The following PCYT1B variants were observed in gnomAD, a reference collection of about 807,000 sequenced individuals.
PCYT1B encodes choline-phosphate cytidylyltransferase B.
A neutral mutation model predicts 26.4 loss-of-function variants in PCYT1B; 10 were observed. The ratio of observed to expected loss-of-function variants is 0.38; its 90% CI spans 0.23 to 0.64. PCYT1B has a LOEUF of 0.64. Ranked by LOEUF, PCYT1B falls within the 30% of genes least tolerant of loss-of-function variation. PCYT1B has a pLI of 0.56. For missense variants in PCYT1B, 161 were observed against 292.7 expected, an observed-to-expected ratio of 0.55 and a Z score of 3.28; for synonymous variants, 131 against 108.4, an observed-to-expected ratio of 1.21 and a Z score of -1.29.
chrX:24,599,233 T>C (rs745891871), intron 3 of PCYT1B, among the ~76,000 whole-genome samples: 1 of 111,833 alleles, frequency 8.9e-6, no homozygotes, highest in African/African-American at 3.2e-5. Context: ...TGCAACAAAT[T>C]TGAAGGAGGA....
intron 1 of PCYT1B, among the ~76,000 whole-genome samples, chrX:24,643,765 A>G (rs1214515060): frequency 1.8e-5 from 2 of 112,328 alleles, no homozygotes; most frequent in Admixed American, 1.9e-4. Context: ...TTTAAAGTCT[A>G]TTTATTCACT....
intron 1 of PCYT1B, among the ~76,000 whole-genome samples, chrX:24,653,859 A>T (rs920718685): frequency 5.6e-5 from 6 of 107,494 alleles, no homozygotes; most frequent in African/African-American, 2.0e-4. Context: ...GTTTCAAGCG[A>T]TTCTCCTGCT....
intron 3 of PCYT1B, among the ~76,000 whole-genome samples, chrX:24,593,450 CTTTTCTTTTCTTTTCT>C (rs1569242721): frequency 0.024 from 158 of 6,687 alleles, 4 homozygotes; most frequent in African/African-American, 0.12. Context: ...TCTTTCTTTT[CTTTTCTTTTCTTTTCT>C]TTTCTTTTCT....
rs1001156433 is a variant in PCYT1B at position 24,665,185 on chromosome X, C to G, written c.63+7385G>C. On this transcript the variant is annotated intron_variant, in intron 1 of 7. Transcript: ENST00000379145. The stretch of plus-strand genomic sequence containing the variant: ...ACAGAGCTCTAATCAGTGGCCCAAT[C>G]AAAGGTTTGGCAAATTAATAATATA... 2.7e-5 allele frequency among the ~76,000 whole-genome samples: 3 copies of G among 111,583 alleles called. No homozygotes were observed. In the South Asian group the frequency reaches 1.1e-3, roughly 43 times the overall value.
chrX:24,657,745 C>G (rs1196778086), intron 1 of PCYT1B, among the ~76,000 whole-genome samples: 2 of 111,864 alleles, frequency 1.8e-5, no homozygotes, highest in Non-Finnish European at 3.8e-5. Context: ...TTCAGTCTCC[C>G]CAAGTGTTAT....
chrX:24,607,422 AG>A (rs756810039), intron 3 of PCYT1B, among the ~76,000 whole-genome samples: 100 of 112,383 alleles, frequency 8.9e-4, no homozygotes, highest in African/African-American at 3.1e-3. Context: ...TTATCCCTCT[AG>A]AAAATTTTAG....
intron 3 of PCYT1B, among the ~76,000 whole-genome samples, chrX:24,592,074 T>C (rs1924584805): frequency 1.8e-5 from 2 of 111,758 alleles, no homozygotes; most frequent in Non-Finnish European, 3.8e-5. Context: ...CAGCCTCTGG[T>C]AACCACTGTT....
chrX:24,670,113 A>AAAGAAAGAAAGGAAGG (rs1602218930), intron 1 of PCYT1B, among the ~76,000 whole-genome samples: 29 of 23,566 alleles, frequency 1.2e-3, no homozygotes, highest in South Asian at 6.1e-3. Flanking sequence ...AGAAAGAAAG[A>AAAGAAAGAAAGGAAGG]AAGGAAGGAA....
rs140304068 is a variant in PCYT1B, at chrX:24,647,265, C to CA, written c.-161_-160insT. The CA allele has an allele frequency of 1.1e-6, 1 of 951,524 alleles. No individual in the cohort carries two copies. Among genetic ancestry groups the CA allele is most frequent in the Non-Finnish European group, 1.3e-6 (1 of 765,240 alleles). The allele number at this position is 951,524 out of a possible 1,213,427, so 78.4% of individuals were successfully genotyped here. A position where few individuals can be genotyped will look rare whatever the true frequency, so the allele number is the denominator to read the frequency against. On this transcript the variant is annotated 5_prime_UTR_variant, in exon 1 of 8. Coordinates refer to ENST00000379144, the MANE Select transcript of PCYT1B (RefSeq NM_004845.5). ...TTCCCTAGGGGAAGTAAAGAGGTTA[C>CA]CCCCCGCCCCTCTCTCTCTCTCTCT... is the stretch of plus-strand genomic sequence containing the variant.
At chrX:24,572,640 A>C (rs926809642) in intron 7 of PCYT1B, among the ~76,000 whole-genome samples, 7 of 111,763 alleles carry the variant, frequency 6.3e-5, no homozygotes, top group Non-Finnish European at 1.3e-4. Context: ...CAAATTACTT[A>C]TCTTGGCGTT....
At chrX:24,598,480 T>TAC (rs769065456) in intron 3 of PCYT1B, among the ~76,000 whole-genome samples, 2 of 107,435 alleles carry the variant, frequency 1.9e-5, no homozygotes, top group African/African-American at 7.0e-5. Context: ...ATTTGATATA[T>TAC]ATATACACAC....
chrX:24,615,415 C>T (rs747380340), intron 2 of PCYT1B, among the ~76,000 whole-genome samples: 1 of 111,287 alleles, frequency 9.0e-6, no homozygotes, highest in South Asian at 3.8e-4. Context: ...AATGCCAGAA[C>T]AAACTCTCTC....
At chrX:24,652,126 C>G (rs939147305), upstream of PCYT1B, among the ~76,000 whole-genome samples, 1 of 112,313 alleles carries the variant, frequency 8.9e-6, no homozygotes, top group Non-Finnish European at 1.9e-5. Flanking sequence ...AAGAGCATGC[C>G]TTCTGTGAGA....
chrX:24,624,578 A>G (rs193210907), intron 1 of PCYT1B, among the ~76,000 whole-genome samples: 352 of 111,815 alleles, frequency 3.1e-3, no homozygotes, highest in African/African-American at 0.01. Flanking sequence ...GACTGCACCA[A>G]TGGGATCTCT....
At chrX:24,640,222 T>G (rs1187620224) in intron 1 of PCYT1B, among the ~76,000 whole-genome samples, 1 of 111,506 alleles carries the variant, frequency 9.0e-6, no homozygotes, top group African/African-American at 3.3e-5. Flanking sequence ...CTCCCACCAC[T>G]TCACTGAAAC....
intron 1 of PCYT1B, among the ~76,000 whole-genome samples, chrX:24,628,907 A>T (rs1925961023): frequency 8.9e-6 from 1 of 112,099 alleles, no homozygotes; most frequent in East Asian, 2.8e-4. Context: ...GGGTATGAAC[A>T]TTTTAAAGAT....
At chrX:24,594,487 C>T (rs1924714398) in intron 3 of PCYT1B, among the ~76,000 whole-genome samples, 2 of 111,410 alleles carry the variant, frequency 1.8e-5, no homozygotes, top group Non-Finnish European at 3.8e-5. Flanking sequence ...CAAAACTAGG[C>T]CGTGCCACAT....
intron 2 of PCYT1B, among the ~76,000 whole-genome samples, chrX:24,612,648 T>C (rs746557631): frequency 8.9e-6 from 1 of 112,217 alleles, no homozygotes; most frequent in East Asian, 2.8e-4. Flanking sequence ...TACCAAGTGA[T>C]GGTGAGAATG....
chrX:24,627,019 G>T (rs1925905317), intron 1 of PCYT1B, among the ~76,000 whole-genome samples: 1 of 112,175 alleles, frequency 8.9e-6, no homozygotes, highest in Non-Finnish European at 1.9e-5. Context: ...AGTGTTGGGG[G>T]TATCACTGTA....
Sources: gnomAD v4.1 joint callset for allele counts (sites outside exome capture counted in the v4.1 genomes callset) on GRCh38, gnomAD v4.1.1 for gene constraint, MANE v1.5 for transcripts, NCBI Gene and HGNC (gene_info 2026-07-23, HGNC 2026-07-21) for gene names.